Variants in GPM6A observed in about 807,000 individuals in gnomAD.
GPM6A encodes the protein glycoprotein M6A.
In GPM6A, 7 loss-of-function variants were observed where a neutral mutation model predicts 32.1. The ratio of observed to expected loss-of-function variants is 0.22; its 90% CI spans 0.12 to 0.41. GPM6A has a LOEUF of 0.41. GPM6A is among the 10% of genes least tolerant of loss of function. The pLI is 1.00. For missense variants in GPM6A, 235 were observed against 347.2 expected, an observed-to-expected ratio of 0.68 and a Z score of 2.57; for synonymous variants, 130 against 123.4, an observed-to-expected ratio of 1.05 and a Z score of -0.35.
intron 1 of GPM6A, chr4:175,961,914 T>C (rs1740177116): frequency 3.1e-6 from 1 of 323,830 alleles, no homozygotes; most frequent in East Asian, 6.2e-5. Flanking sequence ...AGTAAAAAAC[T>C]GAGTCCTAAT....
chr4:175,712,344 C>A (rs1230913255), intron 1 of GPM6A, among the ~76,000 whole-genome samples: 2 of 152,174 alleles, frequency 1.3e-5, no homozygotes, highest in Non-Finnish European at 1.5e-5. Flanking sequence ...TATGGCAGAG[C>A]CAGGAGGCCT....
At chr4:175,722,150 G>A (rs144818671) in intron 1 of GPM6A, among the ~76,000 whole-genome samples, 183 of 151,964 alleles carry the variant, frequency 1.2e-3, no homozygotes, top group African/African-American at 4.0e-3. Flanking sequence ...AGCCTGGTGC[G>A]GGGGTGTGCA....
chr4:175,965,764 G>T (rs1579670843), intron 1 of GPM6A, among the ~76,000 whole-genome samples: 1 of 151,832 alleles, frequency 6.6e-6, no homozygotes, highest in African/African-American at 2.4e-5. Context: ...CAGGCATGTG[G>T]TACCACTCCC....
upstream of GPM6A, chr4:175,812,488 A>C: frequency 8.3e-7 from 1 of 1,209,792 alleles, no homozygotes; most frequent in Non-Finnish European, 1.0e-6. Context: ...TTTCTTCTCA[A>C]AGCTGCCCAT....
intron 1 of GPM6A, among the ~76,000 whole-genome samples, chr4:175,730,136 T>C (rs1007965342): frequency 6.6e-6 from 1 of 152,084 alleles, no homozygotes; most frequent in Non-Finnish European, 1.5e-5. Context: ...CATGCCCTTC[T>C]GGCAGCTTAA....
At chr4:175,835,684 C>T (rs573250122) in intron 1 of GPM6A, among the ~76,000 whole-genome samples, 2 of 142,668 alleles carry the variant, frequency 1.4e-5, no homozygotes, top group East Asian at 2.0e-4. Context: ...ATAATATATA[C>T]TTTATAAATA....
chr4:175,747,912 GC>G (rs1451123970), intron 1 of GPM6A, among the ~76,000 whole-genome samples: 19 of 93,910 alleles, frequency 2.0e-4, no homozygotes, highest in Admixed American at 9.3e-4. Context: ...CTCAAACCCT[GC>G]TGCTACTTTA....
In GPM6A at chr4:175,636,949, T is replaced by A. The variant is rs975249521; in HGVS notation, c.685-1892A>T. ...TATTTCACTCATGCATATATATATA[T>A]ATATATGTATTTATATATATTTATA... On this transcript the variant is annotated intron_variant, in intron 6 of 6. Transcript: ENST00000393658. 3.8e-4 allele frequency among the ~76,000 whole-genome samples: 52 copies of A among 135,418 alleles called. 1 individual carries two copies. The highest frequency in any genetic ancestry group is 3.5e-3 in the Admixed American group (42 of 11,862). 88.8% of individuals were successfully genotyped at this position (135,418 alleles called of 152,430 possible). A position where few individuals can be genotyped will look rare whatever the true frequency, so the allele number is the denominator to read the frequency against.
intron 1 of GPM6A, among the ~76,000 whole-genome samples, chr4:175,890,065 C>T (rs1737592455): frequency 6.6e-6 from 1 of 152,128 alleles, no homozygotes; most frequent in Non-Finnish European, 1.5e-5. Flanking sequence ...ACAAAATAGG[C>T]AGGCTCACTA....
At chr4:175,920,796 G>C (rs979416878) in intron 1 of GPM6A, among the ~76,000 whole-genome samples, 1 of 151,022 alleles carries the variant, frequency 6.6e-6, no homozygotes, top group African/African-American at 2.4e-5. Context: ...TGGCTCACTT[G>C]TGCCACTGCA....
chr4:175,880,220 G>A (rs1044111382), intron 1 of GPM6A, among the ~76,000 whole-genome samples: 1 of 152,054 alleles, frequency 6.6e-6, no homozygotes, highest in African/African-American at 2.4e-5. Context: ...TATTTCTGAG[G>A]GCTCTGTTCT....
chr4:175,657,935 T>C (rs2110936275), intron 3 of GPM6A, among the ~76,000 whole-genome samples: 1 of 152,218 alleles, frequency 6.6e-6, no homozygotes, highest in African/African-American at 2.4e-5. Flanking sequence ...GAAAAAACAT[T>C]ACAATCAAGT....
At chr4:175,898,791 T>G (rs1383983853) in intron 1 of GPM6A, among the ~76,000 whole-genome samples, 1 of 152,188 alleles carries the variant, frequency 6.6e-6, no homozygotes, top group African/African-American at 2.4e-5. Flanking sequence ...ATCAAAGTTA[T>G]GCTTCAAAAT....
chr4:175,751,212 G>GTGC (rs1191591064), intron 1 of GPM6A, among the ~76,000 whole-genome samples: 2 of 152,030 alleles, frequency 1.3e-5, no homozygotes, highest in African/African-American at 4.8e-5. Flanking sequence ...ATAGCATTTA[G>GTGC]TATCATAGAG....
chr4:175,947,516 AATG>A (rs1416667562), intron 1 of GPM6A: 5 of 152,152 alleles, frequency 3.3e-5, no homozygotes, highest in Non-Finnish European at 4.4e-5. Flanking sequence ...ACTCAAAAAT[AATG>A]ATGTCTTCAA....
upstream of GPM6A, among the ~76,000 whole-genome samples, chr4:175,814,913 A>G (rs1735051556): frequency 6.6e-6 from 1 of 152,214 alleles, no homozygotes; most frequent in South Asian, 2.1e-4. Flanking sequence ...AGCTATCTCC[A>G]GGACTTTTTC....
chr4:175,875,142 A>G (rs558869569), intron 1 of GPM6A, among the ~76,000 whole-genome samples: 1 of 152,248 alleles, frequency 6.6e-6, no homozygotes, highest in South Asian at 2.1e-4. Flanking sequence ...CAAGAATACT[A>G]TAAGGATGGG....
chr4:175,948,015 CTAGCAA>C (rs371607987), intron 1 of GPM6A, among the ~76,000 whole-genome samples: 9,007 of 152,010 alleles, frequency 0.059, 829 homozygotes, highest in African/African-American at 0.2. Flanking sequence ...AACATAGCAC[CTAGCAA>C]TAGCAATAGC....
intron 1 of GPM6A, among the ~76,000 whole-genome samples, chr4:175,877,384 C>T (rs1228481964): frequency 1.3e-5 from 2 of 152,140 alleles, no homozygotes; most frequent in Non-Finnish European, 2.9e-5. Flanking sequence ...TAGTATTAGT[C>T]CATTCTCACC....
Sources: allele counts gnomAD v4.1 joint callset (sites outside exome capture counted in the v4.1 genomes callset), GRCh38; gene constraint gnomAD v4.1.1; transcripts MANE v1.5; gene names NCBI Gene and HGNC (gene_info 2026-07-23, HGNC 2026-07-21).